GLRA2: variants seen among roughly 807,000 people sequenced by gnomAD.
GLRA2 encodes glycine receptor subunit alpha-2.
In GLRA2, 11 loss-of-function variants were observed where a neutral mutation model predicts 31.6. That is an observed-to-expected ratio of 0.35 (90% CI 0.22 to 0.58). The LOEUF is 0.58. Ranked by LOEUF, GLRA2 falls within the 20% of genes least tolerant of loss-of-function variation. The probability of loss-of-function intolerance (pLI) is 0.84; values close to 1 mark genes in which losing one functional copy is unlikely to be tolerated. For missense variants in GLRA2, 212 were observed against 351.8 expected (o/e 0.60, Z 3.18); for synonymous variants, 132 against 134.0 (o/e 0.99, Z 0.10).
At chrX:14,584,456 G>C (rs979212120) in intron 4 of GLRA2, among the ~76,000 whole-genome samples, 10 of 111,569 alleles carry the variant, frequency 9.0e-5, no homozygotes, top group Non-Finnish European at 1.5e-4. Context: ...CAAGTCTGCA[G>C]ACTCACCATC....
intron 7 of GLRA2, among the ~76,000 whole-genome samples, chrX:14,654,083 C>G (rs900768888): frequency 8.1e-5 from 9 of 111,656 alleles, no homozygotes; most frequent in Admixed American, 1.9e-4. Context: ...TATGATCGTA[C>G]CACTGCACTC....
chrX:14,535,785 C>T (rs993323140), intron 2 of GLRA2, among the ~76,000 whole-genome samples: 4 of 112,434 alleles, frequency 3.6e-5, no homozygotes, highest in African/African-American at 1.3e-4. Flanking sequence ...ATTCCATCAT[C>T]CTATCAGATA....
At chrX:14,476,267 T>C in the GLRA2 span, among the ~76,000 whole-genome samples, 1 of 112,267 alleles carries the variant, frequency 8.9e-6, no homozygotes, top group Non-Finnish European at 1.9e-5. Context: ...CTCCATTTCC[T>C]GATTGTTTTA....
At chrX:14,720,270 C>T (rs1233858782) in intron 8 of GLRA2, among the ~76,000 whole-genome samples, 2 of 111,513 alleles carry the variant, frequency 1.8e-5, no homozygotes, top group African/African-American at 6.5e-5. Flanking sequence ...ACATTGTACA[C>T]GTGTATTGAA....
the GLRA2 span, among the ~76,000 whole-genome samples, chrX:14,470,176 G>A: frequency 3.6e-5 from 4 of 111,656 alleles, no homozygotes; most frequent in South Asian, 1.5e-3. Flanking sequence ...CATTTGGCCC[G>A]TTTTCTTACG....
At chrX:14,512,300 C>A in the GLRA2 span, among the ~76,000 whole-genome samples, 2 of 111,417 alleles carry the variant, frequency 1.8e-5, no homozygotes, top group Admixed American at 9.6e-5. Flanking sequence ...TATGACAAAT[C>A]CACAGCCATC....
At chrX:14,712,411 C>T (rs934131730) in intron 8 of GLRA2, among the ~76,000 whole-genome samples, 5 of 111,775 alleles carry the variant, frequency 4.5e-5, no homozygotes, top group African/African-American at 1.6e-4. Flanking sequence ...TAGATCCTCT[C>T]CACTAATCGC....
chrX:14,510,246 C>T, the GLRA2 span, among the ~76,000 whole-genome samples: 30 of 111,423 alleles, frequency 2.7e-4, no homozygotes, highest in African/African-American at 9.1e-4. Context: ...AGAGCTGTAG[C>T]GATAGAAGAG....
At chrX:14,582,429 G>C (rs995427384) in intron 4 of GLRA2, among the ~76,000 whole-genome samples, 1 of 110,164 alleles carries the variant, frequency 9.1e-6, no homozygotes, top group African/African-American at 3.3e-5. Flanking sequence ...GTATTCCATG[G>C]TGTATATGTG....
intron 4 of GLRA2, among the ~76,000 whole-genome samples, chrX:14,590,909 G>A (rs982748884): frequency 4.5e-5 from 5 of 111,903 alleles, no homozygotes; most frequent in Admixed American, 1.9e-4. Context: ...AGCAAGGTCG[G>A]GAGGGTGGGA....
intron 8 of GLRA2, among the ~76,000 whole-genome samples, chrX:14,701,374 G>A (rs2091538641): frequency 9.0e-6 from 1 of 110,854 alleles, no homozygotes; most frequent in Non-Finnish European, 1.9e-5. Flanking sequence ...AATAAAAATG[G>A]GCAACCCCTG....
intron 5 of GLRA2, among the ~76,000 whole-genome samples, 160 bp downstream of exon 5, chrX:14,604,557 TGTGTG>T (rs2147092102): frequency 9.7e-6 from 1 of 102,855 alleles, no homozygotes; most frequent in African/African-American, 3.6e-5. Context: ...TGTGTGTGTG[TGTGTG>T]TGTGTGTGTG....
chrX:14,603,648 A>C (rs2090301944), intron 4 of GLRA2, among the ~76,000 whole-genome samples: 1 of 112,111 alleles, frequency 8.9e-6, no homozygotes, highest in African/African-American at 3.2e-5. Flanking sequence ...TTTCATGACC[A>C]AGAACCCAAA....
At chrX:14,665,181 T>G (rs141666847) in intron 7 of GLRA2, among the ~76,000 whole-genome samples, 56 of 112,171 alleles carry the variant, frequency 5.0e-4, no homozygotes, top group African/African-American at 1.7e-3. Flanking sequence ...ATTGGTTTTA[T>G]TAAAGTAACT....
chrX:14,638,245 A>C (rs1227728184), intron 7 of GLRA2, among the ~76,000 whole-genome samples: 1 of 111,377 alleles, frequency 9.0e-6, no homozygotes, highest in Non-Finnish European at 1.9e-5. Context: ...GGGAGGATGG[A>C]GTAGAGTTGA....
chrX:14,628,163 G>A (rs773269839), intron 7 of GLRA2, among the ~76,000 whole-genome samples: 23 of 110,821 alleles, frequency 2.1e-4, no homozygotes, highest in African/African-American at 6.9e-4. Flanking sequence ...GGCATAATGG[G>A]GATTACATGA....
rs1439139280 is a variant in GLRA2 at position 14,724,696 on chromosome X, T to A, written c.1081-5511T>A. On this transcript the variant is annotated intron_variant, in intron 8 of 8. Transcript: ENST00000218075. ...TTGCTCAATAAATAAATCCTGGAAGTTTCTTCTTTAAAAATCAATGATAAA... is the reference window on the plus strand; with the variant it reads ...TTGCTCAATAAATAAATCCTGGAAGATTCTTCTTTAAAAATCAATGATAAA... Among the ~76,000 whole-genome samples the A allele has an allele frequency of 3.8e-5, 4 of 105,394 alleles. No individual in the cohort carries two copies. In the East Asian group the frequency reaches 1.2e-3, roughly 32 times the overall value. 91.5% of individuals were successfully genotyped at this position (105,394 alleles called of 115,157 possible).
the GLRA2 span, among the ~76,000 whole-genome samples, chrX:14,485,309 G>A: frequency 1.5e-3 from 174 of 112,336 alleles, no homozygotes; most frequent in African/African-American, 5.3e-3. Context: ...TTTATTAAAC[G>A]TATACATATA....
chrX:14,700,338 G>A (rs951886528), intron 8 of GLRA2, among the ~76,000 whole-genome samples: 5 of 110,761 alleles, frequency 4.5e-5, no homozygotes, highest in African/African-American at 1.6e-4. Flanking sequence ...AGCAGGAAGA[G>A]GGAATGGAAG....
Sources: gnomAD v4.1 joint callset for allele counts (sites outside exome capture counted in the v4.1 genomes callset) on GRCh38, gnomAD v4.1.1 for gene constraint, MANE v1.5 for transcripts, NCBI Gene and HGNC (gene_info 2026-07-23, HGNC 2026-07-21) for gene names.